The following GATM variants were observed in gnomAD, a reference collection of about 807,000 sequenced individuals.
The protein encoded by GATM is glycine amidinotransferase.
Under a neutral mutation model 54.2 loss-of-function variants are expected in GATM, and 23 were observed. The observed-to-expected ratio is 0.42, with a 90% CI of 0.31 to 0.60. The LOEUF is 0.60. Ranked by LOEUF, GATM falls within the 20% of genes least tolerant of loss-of-function variation. The pLI, the probability that GATM is intolerant of heterozygous loss-of-function variation, is 0.14. For synonymous variants in GATM, 168 were observed against 183.1 expected (o/e 0.92, Z 0.67); for missense variants, 401 against 544.9 (o/e 0.74, Z 2.63).
Position 45,368,326 on chromosome 15 carries a change from A to G in GATM, c.485-66T>C. ...AATTTCCAAGACAAAAAAGGTCTAT[A>G]TAGGGCCAGGCACAGTGGCTCATGC... On this transcript the variant is annotated intron_variant, in intron 3 of 8. Coordinates refer to ENST00000396659, the MANE Select transcript of GATM (RefSeq NM_001482.3). This position sits in a 1 kb window ranked among gnomAD's most constrained non-coding sequence, Gnocchi z 5.1. 7.0e-7 allele frequency: 1 copy of G among 1,429,908 alleles called. No individual in the cohort carries two copies. Among genetic ancestry groups the G allele is most frequent in the Non-Finnish European group, 9.8e-7 (1 of 1,023,654 alleles). The allele number at this position is 1,429,908 out of a possible 1,614,324, so 88.6% of individuals were successfully genotyped here.
At chr15:45,377,536 C>T (rs1166914255) in intron 1 of GATM, 2 of 326,504 alleles carry the variant, frequency 6.1e-6, no homozygotes, top group East Asian at 1.7e-4. Context: ...TTTAAAAATG[C>T]ATGGCCTATA....
upstream of GATM, chr15:45,379,827 A>C (rs140920209): frequency 2.0e-5 from 3 of 152,182 alleles, no homozygotes; most frequent in Non-Finnish European, 2.9e-5. Flanking sequence ...GTCTACTAAA[A>C]ATACAAAAAC....
At position 45,376,824 on chromosome 15, in the gene GATM, C is replaced by T. The variant is rs752014055; in HGVS notation, c.70-5G>A. The T allele has an allele frequency of 2.5e-6, 4 of 1,611,704 alleles. No homozygotes were observed. The highest frequency in any genetic ancestry group is 2.2e-5 in the South Asian group (2 of 90,768). Reference sequence around the variant, plus strand: ...TCCTGTCAAGGTTCGTCCAAGCTTCCAAGAACAAAGAAAAGATTATTGTAT... The same window carrying T: ...TCCTGTCAAGGTTCGTCCAAGCTTCTAAGAACAAAGAAAAGATTATTGTAT... On this transcript the variant is annotated splice_region_variant and splice_polypyrimidine_tract_variant and intron_variant, in intron 1 of 8. Coordinates refer to ENST00000396659, the MANE Select transcript of GATM (RefSeq NM_001482.3).
At chr15:45,381,460 T>G (rs1029619982), upstream of GATM, among the ~76,000 whole-genome samples, 1 of 152,012 alleles carries the variant, frequency 6.6e-6, no homozygotes, top group African/African-American at 2.4e-5. Flanking sequence ...AAGCACAGAG[T>G]TTTTGAAATG....
chr15:45,385,050 G>A (rs1212062005), intron 3 of GATM, among the ~76,000 whole-genome samples: 2 of 152,188 alleles, frequency 1.3e-5, no homozygotes, highest in Admixed American at 6.5e-5. Context: ...TAGTCAGACA[G>A]TGCGTATCTA....
At chr15:45,378,747 C>A, upstream of GATM, 1 of 339,218 alleles carries the variant, frequency 2.9e-6, no homozygotes, top group Non-Finnish European at 5.3e-6. Flanking sequence ...GCTTCTGTTG[C>A]ACGTCCGGAC....
intron 1 of GATM, among the ~76,000 whole-genome samples, chr15:45,400,031 G>A (rs1566847637): frequency 6.6e-6 from 1 of 152,140 alleles, no homozygotes; most frequent in African/African-American, 2.4e-5. Context: ...AGACCAGCCT[G>A]GCCAACAGGG....
At chr15:45,401,559 GA>G (rs1013818565) in intron 1 of GATM, among the ~76,000 whole-genome samples, 14 of 118,414 alleles carry the variant, frequency 1.2e-4, no homozygotes, top group Admixed American at 1.1e-3. Flanking sequence ...GGGAAAGGCA[GA>G]AAGCAGCTGG....
At chr15:45,365,963 C>T in intron 6 of GATM, 83 bp downstream of exon 6, 6 of 1,285,402 alleles carry the variant, frequency 4.7e-6, no homozygotes, top group Non-Finnish European at 6.8e-6. Context: ...CATTAGGAAC[C>T]ATGGAAGTGC....
chr15:45,363,742 TAAA>T (rs1400855062), intron 8 of GATM, 155 bp downstream of exon 8: 1 of 643,398 alleles, frequency 1.6e-6, no homozygotes, highest in Non-Finnish European at 2.8e-6. Context: ...GTGTTGAAAA[TAAA>T]AATACTGACT....
intron 1 of GATM, among the ~76,000 whole-genome samples, chr15:45,400,272 A>T (rs949932808): frequency 1.4e-4 from 22 of 152,226 alleles, no homozygotes; most frequent in African/African-American, 5.3e-4. Context: ...CAAGGAGATT[A>T]TGTCATTGAA....
intron 4 of GATM, among the ~76,000 whole-genome samples, chr15:45,367,244 G>A (rs945389350): frequency 2.6e-5 from 4 of 152,100 alleles, no homozygotes; most frequent in South Asian, 4.2e-4. Context: ...AGGAGGCTGA[G>A]GCAGGAGAAT....
intron 7 of GATM, chr15:45,364,262 T>G: frequency 2.0e-6 from 1 of 488,308 alleles, no homozygotes; most frequent in Non-Finnish European, 3.7e-6. Flanking sequence ...GGTATAATCC[T>G]AGCACTTTGG....
chr15:45,400,238 A>T (rs938102700), intron 1 of GATM, among the ~76,000 whole-genome samples: 1 of 152,194 alleles, frequency 6.6e-6, no homozygotes, highest in Non-Finnish European at 1.5e-5. Context: ...ATAAAATTTT[A>T]AAAATAAAAA....
chr15:45,367,125 G>C (rs921462239), intron 4 of GATM, among the ~76,000 whole-genome samples: 1 of 152,132 alleles, frequency 6.6e-6, no homozygotes, highest in Non-Finnish European at 1.5e-5. Flanking sequence ...TGGATCACCT[G>C]AGGTCAGGAG....
intron 3 of GATM, among the ~76,000 whole-genome samples, chr15:45,387,589 C>T (rs143625825): frequency 2.0e-4 from 31 of 152,218 alleles, no homozygotes; most frequent in African/African-American, 7.0e-4. Context: ...ATATCTCTTT[C>T]GCCAGACCTC....
intron 4 of GATM, among the ~76,000 whole-genome samples, chr15:45,367,380 C>G (rs1889467372): frequency 6.6e-6 from 1 of 151,002 alleles, no homozygotes; most frequent in African/African-American, 2.4e-5. Context: ...GTAACTGATT[C>G]TGAGAATATT....
intron 2 of GATM, 40 bp downstream of exon 2, chr15:45,376,561 A>G: frequency 6.5e-7 from 1 of 1,545,384 alleles, no homozygotes; most frequent in East Asian, 2.2e-5. Flanking sequence ...GCAGGTGAGG[A>G]GGGAGCGCAC....
rs755493537 is a variant in GATM, at chr15:45,364,797, C to T, written c.1042G>A (p.Asp348Asn). The T allele has an allele frequency of 4.4e-5, 71 of 1,611,990 alleles. No homozygotes were observed. The highest frequency in any genetic ancestry group is 5.3e-5 in the Non-Finnish European group (62 of 1,178,364). The change falls in exon 7 of 9, where the codon GAT becomes AAT. Residue 348 changes from aspartate to asparagine, a missense_variant and splice_region_variant. Around this residue, in one of 3 missense-constraint regions of GATM, gnomAD observed 321 missense variants for 457.5 expected, o/e 0.70. Coordinates refer to ENST00000396659, the MANE Select transcript of GATM (RefSeq NM_001482.3). ...TAACAGTGTATGAAAGTAAACATAC[C>T]GTCTGGGATGATTGGTGTTGGAGGA... ...ITPPTPIIPDDHPLWMSSKWL... is the reference protein window; with the variant it reads ...ITPPTPIIPDNHPLWMSSKWL...
Sources: gnomAD v4.1 joint callset for allele counts (sites outside exome capture counted in the v4.1 genomes callset) on GRCh38, gnomAD v4.1.1 for gene constraint, gnomAD v4.1.1 regional missense constraint, Gnocchi (gnomAD v3.1) non-coding constraint, MANE v1.5 for transcripts, NCBI Gene and HGNC (gene_info 2026-07-23, HGNC 2026-07-21) for gene names.